The following VPS13C variants were observed in gnomAD, a reference collection of about 807,000 sequenced individuals.
VPS13C encodes the protein intermembrane lipid transfer protein VPS13C.
A neutral mutation model predicts 456.8 loss-of-function variants in VPS13C; 358 were observed. The observed-to-expected ratio is 0.78, with a 90% CI of 0.72 to 0.86. VPS13C has a LOEUF of 0.86. Ranked by LOEUF, VPS13C falls within the 40% of genes least tolerant of loss-of-function variation. The pLI is 0.00. For missense variants in VPS13C, 4,818 were observed against 4,385.4 expected (o/e 1.10, Z -2.79); for synonymous variants, 1,578 against 1,486.7 (o/e 1.06, Z -1.41).
intron 66 of VPS13C, among the ~76,000 whole-genome samples, chr15:61,899,849 T>C (rs1039198146): frequency 2.0e-5 from 3 of 151,328 alleles, no homozygotes; most frequent in African/African-American, 7.3e-5. Context: ...TGAACATCGA[T>C]GCAAAAATCC....
At chr15:62,042,499 G>C (rs1195971141) in intron 2 of VPS13C, among the ~76,000 whole-genome samples, 1 of 151,808 alleles carries the variant, frequency 6.6e-6, no homozygotes, top group Non-Finnish European at 1.5e-5. Context: ...TATTATAATA[G>C]CTTTAGTTAA....
intron 1 of VPS13C, 151 bp downstream of exon 1, chr15:62,060,124 G>A (rs1406833277): frequency 7.4e-6 from 3 of 403,212 alleles, no homozygotes; most frequent in Non-Finnish European, 9.0e-6. Context: ...GAATCCGCGG[G>A]CGGCAGAGGC....
In VPS13C at chr15:62,041,334, A is replaced by C. The variant is rs1360387915; in HGVS notation, c.177T>G (p.Ala59=). The change falls in exon 3 of 85, where the codon GCT becomes GCG. Residue 59 remains alanine (A), a synonymous_variant. Coordinates refer to ENST00000644861, the MANE Select transcript of VPS13C (RefSeq NM_020821.3). ...SELDVPFKVK[A]GQIDKLTLKI... Reference sequence around the variant, plus strand: ...GACTAAAGTACTTACCAATTTGGCCAGCCTTGACTTTAAAAGGAACATCCA... The same window carrying C: ...GACTAAAGTACTTACCAATTTGGCCCGCCTTGACTTTAAAAGGAACATCCA... 6.2e-7 allele frequency: 1 copy of C among 1,607,296 alleles called. No homozygotes were observed. Among genetic ancestry groups the C allele is most frequent in the South Asian group, 1.1e-5 (1 of 89,218 alleles).
intron 48 of VPS13C, among the ~76,000 whole-genome samples, chr15:61,934,911 C>T (rs1441439149): frequency 6.6e-6 from 1 of 151,990 alleles, no homozygotes; most frequent in African/African-American, 2.4e-5. Context: ...CCACCACTCC[C>T]GGCTAATTTT....
intron 1 of VPS13C, among the ~76,000 whole-genome samples, chr15:62,046,018 G>T (rs2048389622): frequency 6.6e-6 from 1 of 152,082 alleles, no homozygotes; most frequent in Non-Finnish European, 1.5e-5. Flanking sequence ...ATGCCATAAT[G>T]CTCACAGTGG....
chr15:61,929,037 C>G (rs79119775), intron 51 of VPS13C, among the ~76,000 whole-genome samples: 1 of 152,174 alleles, frequency 6.6e-6, no homozygotes, highest in African/African-American at 2.4e-5. Flanking sequence ...CTTCAGCATA[C>G]ACCTAGACCA....
chr15:62,000,797 A>G (rs1044703767), intron 15 of VPS13C, among the ~76,000 whole-genome samples, 171 bp from the exon 16 acceptor site: 4 of 152,202 alleles, frequency 2.6e-5, no homozygotes, highest in Non-Finnish European at 5.9e-5. Flanking sequence ...AATTTTTTAC[A>G]GTAAGAGAAA....
chr15:61,860,240 C>A (rs1168365711), intron 82 of VPS13C, among the ~76,000 whole-genome samples: 2 of 152,010 alleles, frequency 1.3e-5, no homozygotes, highest in Non-Finnish European at 2.9e-5. Context: ...AAGGTACAGG[C>A]TCAACAGTAA....
At chr15:62,006,403 T>C (rs112860818) in intron 15 of VPS13C, among the ~76,000 whole-genome samples, 2 of 152,116 alleles carry the variant, frequency 1.3e-5, no homozygotes, top group African/African-American at 2.4e-5. Flanking sequence ...TGGTTTCCAG[T>C]TTCATCCATG....
chr15:61,906,809 T>G (rs535766625), intron 66 of VPS13C: 15 of 173,408 alleles, frequency 8.7e-5, no homozygotes, highest in Non-Finnish European at 1.4e-4. Context: ...TACCTAAATA[T>G]TGTTTCGATA....
At chr15:62,023,249 C>A (rs1032964116) in intron 8 of VPS13C, among the ~76,000 whole-genome samples, 162 bp downstream of exon 8, 1 of 151,550 alleles carries the variant, frequency 6.6e-6, no homozygotes, top group African/African-American at 2.4e-5. Flanking sequence ...TACATAAATG[C>A]CCAATAAAAC....
chr15:61,941,741 C>A, intron 46 of VPS13C, 22 bp downstream of exon 46: 1 of 1,581,058 alleles, frequency 6.3e-7, no homozygotes, highest in Non-Finnish European at 8.6e-7. Context: ...AAGCAATACA[C>A]AATTAGATTA....
rs1004422041 is a variant in VPS13C at position 61,922,654 on chromosome 15, C to T, written c.6718G>A (p.Gly2240Ser). ...TTATAATCATTAATCGATTTGATAC[C>T]CCAAAGATTTTCCATTTCCTTAGAC... Reference protein sequence around the residue: ...DTSKEMENLWGIKSINDYNTW... With the variant: ...DTSKEMENLWSIKSINDYNTW... Residue 2240 changes from glycine (G) to serine (S), a missense_variant, in exon 54 of 85, where the codon GGT becomes AGT. Around this residue, in one of 3 missense-constraint regions of VPS13C, gnomAD observed 4,552 missense variants for 4,130.6 expected, o/e 1.10. Coordinates refer to ENST00000644861, the MANE Select transcript of VPS13C (RefSeq NM_020821.3). 22 of 1,613,660 alleles carry T rather than the reference C, an allele frequency of 1.4e-5. No homozygotes were observed. The Admixed American group carries it at 2.5e-4, about 18-fold the overall frequency.
rs60910951 is a variant in VPS13C at position 61,914,878 on chromosome 15, T to TAAAAAAAAAAAAAAAAAAAAAAAA, written c.8445+731_8445+754dup. On this transcript the variant is annotated intron_variant, in intron 61 of 84. Transcript: ENST00000644861. The stretch of plus-strand genomic sequence containing the variant: ...ACCGAGCCTGGCCAAAACTCTGCCT[T>TAAAAAAAAAAAAAAAAAAAAAAAA]AAAAAAAAAAAAAAAAAAAAAAAAA... Among the ~76,000 whole-genome samples, 5 of 102,048 alleles carry TAAAAAAAAAAAAAAAAAAAAAAAA rather than the reference T, an allele frequency of 4.9e-5. 2 individuals are homozygous for TAAAAAAAAAAAAAAAAAAAAAAAA. Among genetic ancestry groups the TAAAAAAAAAAAAAAAAAAAAAAAA allele is most frequent in the Non-Finnish European group, 9.8e-5 (5 of 51,272 alleles). 66.9% of individuals were successfully genotyped at this position (102,048 alleles called of 152,430 possible).
In VPS13C at chr15:61,865,574, A is replaced by G. The variant is rs931846899; in HGVS notation, c.10864-2046T>C. Reference sequence around the variant, plus strand: ...TGTAAATATGTGTATGTTTGCGTATATATGTGTGTATATGTGTGTGTATAT... The same window carrying G: ...TGTAAATATGTGTATGTTTGCGTATGTATGTGTGTATATGTGTGTGTATAT... On this transcript the variant is annotated intron_variant, in intron 81 of 84. Transcript: ENST00000644861. 3.8e-5 allele frequency: 26 copies of G among 691,966 alleles called. No individual in the cohort carries two copies. In the African/African-American group the frequency reaches 4.9e-4, roughly 13 times the overall value. 42.9% of individuals were successfully genotyped at this position (691,966 alleles called of 1,614,324 possible). A position where few individuals can be genotyped will look rare whatever the true frequency, so the allele number is the denominator to read the frequency against.
chr15:61,956,502 G>A (rs1341996122), intron 37 of VPS13C, among the ~76,000 whole-genome samples: 1 of 151,978 alleles, frequency 6.6e-6, no homozygotes, highest in Non-Finnish European at 1.5e-5. Flanking sequence ...AAAAGAGAGT[G>A]AAAGGTAAAC....
In VPS13C at chr15:61,907,349, C is replaced by T. The variant is rs778287890; in HGVS notation, c.9020G>A (p.Arg3007Gln). 1.5e-5 allele frequency: 25 copies of T among 1,613,826 alleles called. No individual in the cohort carries two copies. Among genetic ancestry groups the T allele is most frequent in the South Asian group, 3.3e-5 (3 of 91,060 alleles). Reference sequence around the variant, plus strand: ...AGTAGGATCTGCCCAGGCAAAAAGTCGAGCCTGTCTTGGCAGCAAGACCAT... The same window carrying T: ...AGTAGGATCTGCCCAGGCAAAAAGTTGAGCCTGTCTTGGCAGCAAGACCAT... ...EEMVLLPRQA[R>Q]LFAWADPTGT... The change falls in exon 66 of 85, where the codon CGA becomes CAA. Residue 3007 changes from arginine to glutamine, a missense_variant. Transcript: ENST00000644861.
chr15:62,010,491 A>C lies in VPS13C; in HGVS notation c.992T>G (p.Ile331Ser). The C allele has an allele frequency of 6.2e-7, 1 of 1,612,884 alleles. No individual in the cohort carries two copies. Among genetic ancestry groups the C allele is most frequent in the Non-Finnish European group, 8.5e-7 (1 of 1,179,528 alleles). The stretch of plus-strand genomic sequence containing the variant: ...TCATACCTGAGGTTTGGTCAGTTCA[A>C]TGGCAATATTTTGTATTTCTATGTT... ...DCNIEIQNIA[I>S]ELTKPQYLSM... The change falls in exon 13 of 85, where the codon ATT becomes AGT. Residue 331 changes from isoleucine (I) to serine (S), a missense_variant. Ile to Ser is a moderately radical substitution (Grantham distance 142, BLOSUM62 -2). Coordinates refer to ENST00000644861, the MANE Select transcript of VPS13C (RefSeq NM_020821.3).
chr15:61,879,524 AATGTTACTTATGGGCT>A (rs1285105143), intron 73 of VPS13C: 1 of 152,110 alleles, frequency 6.6e-6, no homozygotes, highest in Non-Finnish European at 1.5e-5. Flanking sequence ...TCCCTAGGGC[AATGTTACTTATGGGCT>A]ATGAAAATAA....
Sources: allele counts gnomAD v4.1 joint callset (sites outside exome capture counted in the v4.1 genomes callset), GRCh38; gene constraint gnomAD v4.1.1; regional missense constraint gnomAD v4.1.1; transcripts MANE v1.5; gene names NCBI Gene and HGNC (gene_info 2026-07-23, HGNC 2026-07-21).